IPO11: variants seen among roughly 807,000 people sequenced by gnomAD.
IPO11 encodes importin 11.
Under a neutral mutation model 143.2 loss-of-function variants are expected in IPO11, and 66 were observed. That is an observed-to-expected ratio of 0.46 (90% CI 0.38 to 0.57). The LOEUF (loss-of-function observed/expected upper bound fraction) is 0.57, where lower values mean the gene tolerates loss of function less well. Ranked by LOEUF, IPO11 falls within the 20% of genes least tolerant of loss-of-function variation. The pLI is 0.00. For missense variants in IPO11, 1,026 were observed against 1,141.0 expected, an observed-to-expected ratio of 0.90 and a Z score of 1.45; for synonymous variants, 385 against 377.8, an observed-to-expected ratio of 1.02 and a Z score of -0.22.
chr5:62,565,786 A>AC (rs1743917164), intron 27 of IPO11, among the ~76,000 whole-genome samples: 2 of 105,156 alleles, frequency 1.9e-5, no homozygotes, highest in Non-Finnish European at 4.0e-5. Context: ...CTCACCCCCT[A>AC]CCCCCCCAAC....
intron 20 of IPO11, among the ~76,000 whole-genome samples, chr5:62,518,366 C>T (rs944287033): frequency 6.6e-6 from 1 of 151,898 alleles, no homozygotes; most frequent in African/African-American, 2.4e-5. Context: ...ATCGCTTGAA[C>T]CTGAGAGGCG....
intron 27 of IPO11, among the ~76,000 whole-genome samples, chr5:62,585,808 A>T (rs1002609162): frequency 6.6e-6 from 1 of 152,138 alleles, no homozygotes; most frequent in Non-Finnish European, 1.5e-5. Flanking sequence ...GAGGAGTAGA[A>T]ACAAGGAAAA....
chr5:62,619,629 G>T (rs566305257), intron 29 of IPO11, among the ~76,000 whole-genome samples: 2 of 152,028 alleles, frequency 1.3e-5, no homozygotes, highest in Admixed American at 6.6e-5. Context: ...CGAGGCAGGC[G>T]GATCACGAGG....
intron 20 of IPO11, among the ~76,000 whole-genome samples, chr5:62,519,729 A>G (rs370519075): frequency 6.6e-6 from 1 of 152,236 alleles, no homozygotes; most frequent in East Asian, 1.9e-4. Flanking sequence ...TCTGTAAGTC[A>G]GAAACCTGGG....
chr5:62,555,613 C>T (rs1341839080), intron 26 of IPO11, among the ~76,000 whole-genome samples: 1 of 151,888 alleles, frequency 6.6e-6, no homozygotes, highest in African/African-American at 2.4e-5. Flanking sequence ...ACATCGTTCT[C>T]CTGCCTCAGC....
rs141833293 is a variant in IPO11 at position 62,565,935 on chromosome 5, A to G, written c.2582+4678A>G. Among the ~76,000 whole-genome samples the G allele has an allele frequency of 4.4e-3, 671 of 152,244 alleles. 7 individuals carry two copies. The highest frequency in any genetic ancestry group is 0.016 in the African/African-American group (647 of 41,522). On this transcript the variant is annotated intron_variant, in intron 27 of 29. Coordinates refer to ENST00000325324, the MANE Select transcript of IPO11 (RefSeq NM_016338.5). ...AGGATGATTGCTCCTAGCTTCATCCATGTCCCTGCAAAGGACATGATCTCA... is the reference window on the plus strand; with the variant it reads ...AGGATGATTGCTCCTAGCTTCATCCGTGTCCCTGCAAAGGACATGATCTCA...
chr5:62,435,114 A>ATATATATATATATGTATATG (rs1561308819), intron 1 of IPO11, among the ~76,000 whole-genome samples: 1 of 102,310 alleles, frequency 9.8e-6, no homozygotes, highest in Non-Finnish European at 1.8e-5. Flanking sequence ...ATATATGTAT[A>ATATATATATATATGTATATG]TATGTATATA....
chr5:62,500,543 G>A (rs1741312464), intron 16 of IPO11, among the ~76,000 whole-genome samples: 1 of 152,126 alleles, frequency 6.6e-6, no homozygotes, highest in South Asian at 2.1e-4. Context: ...TGTCACCCAG[G>A]CTGGAGTACA....
At chr5:62,503,004 T>A (rs571000823) in intron 16 of IPO11, among the ~76,000 whole-genome samples, 206 of 152,122 alleles carry the variant, frequency 1.4e-3, no homozygotes, top group African/African-American at 4.7e-3. Flanking sequence ...TGTATTTTTT[T>A]AGTAGAGATG....
rs1398525882 is a variant in IPO11, at chr5:62,474,386, T to G, written c.709-30T>G. 4 of 1,299,102 alleles carry G rather than the reference T, an allele frequency of 3.1e-6. No homozygotes were observed. The African/African-American group carries it at 6.0e-5, about 20-fold the overall frequency. The allele number at this position is 1,299,102 out of a possible 1,614,324, so 80.5% of individuals were successfully genotyped here. On this transcript the variant is annotated intron_variant, in intron 7 of 29. Transcript: ENST00000325324. ...AAGGTAAATGTTTATAACAATAAATTGAGATATTTAAAATAATATTCTTTT... is the reference window on the plus strand; with the variant it reads ...AAGGTAAATGTTTATAACAATAAATGGAGATATTTAAAATAATATTCTTTT...
intron 19 of IPO11, among the ~76,000 whole-genome samples, chr5:62,513,713 C>T (rs1453904645): frequency 7.5e-5 from 11 of 147,000 alleles, no homozygotes; most frequent in African/African-American, 2.5e-4. Context: ...CCGGACGGGG[C>T]GGCTGGCCGG....
chr5:62,546,276 T>G (rs927389936), intron 24 of IPO11, among the ~76,000 whole-genome samples: 3 of 152,134 alleles, frequency 2.0e-5, no homozygotes, highest in Non-Finnish European at 2.9e-5. Context: ...CCATAAAAAA[T>G]GATGAGTTTA....
intron 27 of IPO11, chr5:62,580,152 T>C: frequency 6.4e-7 from 1 of 1,551,202 alleles, no homozygotes; most frequent in African/African-American, 1.4e-5. Flanking sequence ...TGTCTCATAA[T>C]CCTATTGAAG....
At position 62,515,501 on chromosome 5, in the gene IPO11, G is replaced by A; in HGVS notation, c.1896G>A (p.Gln632=). The change falls in exon 20 of 30, where the codon CAG becomes CAA. Residue 632 remains glutamine, a splice_region_variant and synonymous_variant. Coordinates refer to ENST00000325324, the MANE Select transcript of IPO11 (RefSeq NM_016338.5). The part of the protein sequence containing the change: ...AILTTLIHLV[Q]GLGADSKNLY... ...TGACAACACTTATTCATCTTGTTCA[G>A]GTAAGTCACTTCTCCACAGAGTTTT... 2 of 1,578,860 alleles carry A rather than the reference G, an allele frequency of 1.3e-6. No homozygotes were observed. Among genetic ancestry groups the A allele is most frequent in the Non-Finnish European group, 1.7e-6 (2 of 1,160,802 alleles).
chr5:62,565,939 C>G (rs1239284056), intron 27 of IPO11, among the ~76,000 whole-genome samples: 1 of 152,134 alleles, frequency 6.6e-6, no homozygotes, highest in Non-Finnish European at 1.5e-5. Context: ...TCATCCATGT[C>G]CCTGCAAAGG....
intron 16 of IPO11, among the ~76,000 whole-genome samples, chr5:62,501,806 A>G (rs1741356579): frequency 6.6e-6 from 1 of 152,198 alleles, no homozygotes; most frequent in South Asian, 2.1e-4. Flanking sequence ...GGCTTTTTAA[A>G]TAATTGAATT....
At chr5:62,417,937 CCTCCAACT>C (rs1041890161) in intron 1 of IPO11, among the ~76,000 whole-genome samples, 21 of 152,264 alleles carry the variant, frequency 1.4e-4, no homozygotes, top group South Asian at 6.2e-4. Flanking sequence ...TGTAACCCCT[CCTCCAACT>C]CTCCAACTAT....
At position 62,484,037 on chromosome 5, in the gene IPO11, A is replaced by G. The variant is rs1415435772; in HGVS notation, c.1049A>G (p.His350Arg). 6.2e-6 allele frequency: 10 copies of G among 1,607,538 alleles called. No homozygotes were observed. The highest frequency in any genetic ancestry group is 6.8e-6 in the Non-Finnish European group (8 of 1,178,110). The part of the protein sequence containing the change: ...EDSSPETLEA[H>R]KIKMAFFTYP... ...AGCAGCCCTGAAACTCTTGAAGCCC[A>G]TAAGATTAAGATGGCATTCTTCACA... Residue 350 changes from histidine (H) to arginine (R), a missense_variant, in exon 11 of 30, where the codon CAT becomes CGT. Physicochemically the swap from His to Arg is conservative, Grantham distance 29. Coordinates refer to ENST00000325324, the MANE Select transcript of IPO11 (RefSeq NM_016338.5).
intron 1 of IPO11, among the ~76,000 whole-genome samples, chr5:62,417,884 G>A (rs928594095): frequency 6.6e-6 from 1 of 152,110 alleles, no homozygotes; most frequent in Admixed American, 6.6e-5. Flanking sequence ...CCAATCAGTT[G>A]GAAAAGCCCA....
Sources: allele counts gnomAD v4.1 joint callset (sites outside exome capture counted in the v4.1 genomes callset), GRCh38; gene constraint gnomAD v4.1.1; transcripts MANE v1.5; gene names NCBI Gene and HGNC (gene_info 2026-07-23, HGNC 2026-07-21).